SLC12A7: variants seen among roughly 807,000 people sequenced by gnomAD.
The protein encoded by SLC12A7 is solute carrier family 12 member 7, also known as K-Cl cotransporter 4.
SLC12A7 carries 100 observed loss-of-function variants against 120.6 expected under a neutral mutation model. The ratio of observed to expected loss-of-function variants is 0.83; its 90% CI spans 0.71 to 0.98. SLC12A7 has a LOEUF of 0.98. Ranked by LOEUF, SLC12A7 falls within the 50% of genes least tolerant of loss-of-function variation. The probability of loss-of-function intolerance (pLI) is 0.00; values close to 1 mark genes in which losing one functional copy is unlikely to be tolerated. For synonymous variants in SLC12A7, 760 were observed against 678.0 expected, an observed-to-expected ratio of 1.12 and a Z score of -1.88; for missense variants, 1,373 against 1,548.1, an observed-to-expected ratio of 0.89 and a Z score of 1.90.
the SLC12A7 span, among the ~76,000 whole-genome samples, chr5:1,151,354 G>A: frequency 6.6e-6 from 1 of 152,318 alleles, no homozygotes; most frequent in East Asian, 1.9e-4. This position sits in a 1 kb window ranked among gnomAD's most constrained non-coding sequence, Gnocchi z 6.2. Context: ...ACATCTCATT[G>A]AAGATGTCAG....
At chr5:1,110,269 CA>C (rs1427304330) in intron 1 of SLC12A7, among the ~76,000 whole-genome samples, 1 of 152,224 alleles carries the variant, frequency 6.6e-6, no homozygotes, top group Non-Finnish European at 1.5e-5. Flanking sequence ...GGGCCACCCT[CA>C]AAAGTGTCCA....
intron 19 of SLC12A7, 38 bp downstream of exon 19, chr5:1,064,045 C>T (rs1008791294): frequency 1.2e-6 from 2 of 1,600,114 alleles, no homozygotes; most frequent in African/African-American, 1.3e-5. Context: ...CGTGGGGTGG[C>T]CGTGCTCCGG....
At chr5:1,117,291 A>G in the SLC12A7 span, among the ~76,000 whole-genome samples, 1 of 152,168 alleles carries the variant, frequency 6.6e-6, no homozygotes, top group Non-Finnish European at 1.5e-5. The surrounding 1 kb of genome is among the most constrained non-coding windows in gnomAD (Gnocchi z 4.5). Context: ...CAACTAGTGA[A>G]GCCAAGTTTG....
In SLC12A7 at chr5:1,057,657, G is replaced by A; in HGVS notation, c.2848-8C>T. On this transcript the variant is annotated splice_region_variant and splice_polypyrimidine_tract_variant and intron_variant, in intron 21 of 23. Transcript: ENST00000264930. ...GTCGTGGATCAGCTGGGCCTGGCGG[G>A]CCCGGGACTTGGTGAGACCAGCCGG... The A allele has an allele frequency of 1.9e-6, 3 of 1,590,544 alleles. No individual in the cohort carries two copies. Among genetic ancestry groups the A allele is most frequent in the Non-Finnish European group, 2.6e-6 (3 of 1,175,886 alleles).
At chr5:1,111,624 C>A (rs1280110023) in intron 1 of SLC12A7, among the ~76,000 whole-genome samples, 6 of 152,200 alleles carry the variant, frequency 3.9e-5, no homozygotes, top group African/African-American at 1.4e-4. Context: ...GGCGTCCACA[C>A]CTCTGCCCCC....
rs1043197627 is a variant in SLC12A7, at chr5:1,064,387, C to T, written c.2438-135G>A. On this transcript the variant is annotated intron_variant, in intron 18 of 23. Coordinates refer to ENST00000264930, the MANE Select transcript of SLC12A7 (RefSeq NM_006598.3). ...CCCCACAAAGCCCCCACCCTCACTC[C>T]GTCAGCTCCTCCAAGGACCAGCCAG... The T allele has an allele frequency of 7.9e-5, 77 of 971,622 alleles. No homozygotes were observed. The South Asian group carries it at 1.1e-3, about 14-fold the overall frequency. 60.2% of individuals were successfully genotyped at this position (971,622 alleles called of 1,614,324 possible). A position where few individuals can be genotyped will look rare whatever the true frequency, so the allele number is the denominator to read the frequency against.
intron 22 of SLC12A7, among the ~76,000 whole-genome samples, chr5:1,055,664 C>T (rs893253215): frequency 6.6e-6 from 1 of 152,242 alleles, no homozygotes; most frequent in African/African-American, 2.4e-5. Context: ...GGGAGGCAAG[C>T]CCCGGCGCTG....
At chr5:1,056,548 C>A (rs145511575) in intron 22 of SLC12A7, 5 of 982,716 alleles carry the variant, frequency 5.1e-6, no homozygotes, top group African/African-American at 1.7e-5. Context: ...CAACCGGGCC[C>A]GGAAGGCGAC....
chr5:1,083,879 T>G lies in SLC12A7; in HGVS notation c.995A>C (p.Asn332Thr). The G allele has an allele frequency of 6.2e-7, 1 of 1,608,182 alleles. No individual in the cohort carries two copies. Among genetic ancestry groups the G allele is most frequent in the East Asian group, 2.2e-5 (1 of 44,778 alleles). Residue 332 changes from asparagine (N) to threonine (T), a missense_variant, in exon 8 of 24, where the codon AAC becomes ACC. By Grantham distance (65) the Asn-to-Thr change is moderately conservative. Coordinates refer to ENST00000264930, the MANE Select transcript of SLC12A7 (RefSeq NM_006598.3). ...GCCCCAGAGCGCGGAGGTGGCTGAGTTGTTGTGGATGCCGTAGGCCTTGAC... is the reference window on the plus strand; with the variant it reads ...GCCCCAGAGCGCGGAGGTGGCTGAGGTGTTGTGGATGCCGTAGGCCTTGAC... ...ACVKAYGIHN[N>T]SATSALWGLF... is the part of the protein sequence containing the mutation.
intron 21 of SLC12A7, among the ~76,000 whole-genome samples, chr5:1,059,228 G>A (rs1276689138): frequency 6.6e-6 from 1 of 152,228 alleles, no homozygotes; most frequent in African/African-American, 2.4e-5. Context: ...CTGCATCTGT[G>A]CCCACCCTGA....
chr5:1,057,226 G>T lies in SLC12A7; in HGVS notation c.3026+245C>A, dbSNP rs991438200. 8.3e-6 allele frequency: 4 copies of T among 480,378 alleles called. No individual in the cohort carries two copies. In the East Asian group the frequency reaches 1.4e-4, roughly 16 times the overall value. The allele number at this position is 480,378 out of a possible 1,614,324, so 29.8% of individuals were successfully genotyped here. A position where few individuals can be genotyped will look rare whatever the true frequency, so the allele number is the denominator to read the frequency against. ...GCACTTGGCACCCAGGTCTTACAAG[G>T]ACTCCCGGCCTTGGCACTAGAAGGA... On this transcript the variant is annotated intron_variant, in intron 22 of 23. Coordinates refer to ENST00000264930, the MANE Select transcript of SLC12A7 (RefSeq NM_006598.3).
the SLC12A7 span, among the ~76,000 whole-genome samples, chr5:1,144,073 G>A: frequency 6.6e-6 from 1 of 152,240 alleles, no homozygotes; most frequent in Non-Finnish European, 1.5e-5. Context: ...GGGGCGAACA[G>A]CCCTGCAGGG....
At chr5:1,124,063 A>T in the SLC12A7 span, among the ~76,000 whole-genome samples, 7 of 152,220 alleles carry the variant, frequency 4.6e-5, no homozygotes, top group Admixed American at 6.5e-5. Flanking sequence ...AAATACATTT[A>T]AAAAATAAGC....
At chr5:1,083,112 GT>G (rs1739394360) in intron 8 of SLC12A7, among the ~76,000 whole-genome samples, 1 of 146,732 alleles carries the variant, frequency 6.8e-6, no homozygotes, top group Non-Finnish European at 1.5e-5. Flanking sequence ...GTTCTGGAAA[GT>G]CCGGGCTTCC....
intron 22 of SLC12A7, among the ~76,000 whole-genome samples, chr5:1,055,588 G>A (rs1426938465): frequency 6.6e-6 from 1 of 152,186 alleles, no homozygotes; most frequent in Admixed American, 6.5e-5. Flanking sequence ...CCCACGCGTT[G>A]TCCATTCTGG....
chr5:1,075,608 C>T, intron 14 of SLC12A7, 118 bp from the exon 15 acceptor site: 1 of 1,399,828 alleles, frequency 7.1e-7, no homozygotes, highest in Admixed American at 2.5e-5. Flanking sequence ...ACTAGGAAAA[C>T]AGTCACTGAC....
intron 1 of SLC12A7, among the ~76,000 whole-genome samples, chr5:1,100,633 C>T (rs553359548): frequency 2.6e-5 from 4 of 152,320 alleles, no homozygotes; most frequent in East Asian, 1.9e-4. Context: ...GCTGTTGACG[C>T]GTGTGCCCAG....
Position 1,077,873 on chromosome 5 carries a change from A to G in SLC12A7, c.1589T>C (p.Leu530Pro). The G allele has an allele frequency of 6.3e-7, 1 of 1,597,484 alleles. No homozygotes were observed. Among genetic ancestry groups the G allele is most frequent in the South Asian group, 1.1e-5 (1 of 88,546 alleles). The stretch of plus-strand genomic sequence containing the variant: ...GATGCCGTCACGGGCAATGGCCTGC[A>G]GTAGGCGCGGTGCCCCCGTGAGGCT... ...LQSLTGAPRL[L>P]QAIARDGIVP... is the part of the protein sequence containing the mutation. Residue 530 changes from leucine (L) to proline (P), a missense_variant, in exon 12 of 24, where the codon CTG (leucine) becomes CCG (proline). Leu to Pro is a moderately conservative substitution (Grantham distance 98). Transcript: ENST00000264930.
chr5:1,120,452 C>G, the SLC12A7 span, among the ~76,000 whole-genome samples: 2 of 152,220 alleles, frequency 1.3e-5, no homozygotes, highest in African/African-American at 4.8e-5. Flanking sequence ...CGCGCGCCGT[C>G]GGCAGTGTGC....
Sources: allele counts gnomAD v4.1 joint callset (sites outside exome capture counted in the v4.1 genomes callset), GRCh38; gene constraint gnomAD v4.1.1; non-coding constraint Gnocchi (gnomAD v3.1); transcripts MANE v1.5; gene names NCBI Gene and HGNC (gene_info 2026-07-23, HGNC 2026-07-21).